TNS3: variants seen among roughly 807,000 people sequenced by gnomAD.
The protein encoded by TNS3 is tensin 3.
A neutral mutation model predicts 140.9 loss-of-function variants in TNS3; 45 were observed. The ratio of observed to expected loss-of-function variants is 0.32; its 90% CI spans 0.25 to 0.41. The LOEUF (loss-of-function observed/expected upper bound fraction) is 0.41. Ranked by LOEUF, TNS3 falls within the 10% of genes least tolerant of loss-of-function variation. TNS3 has a pLI of 1.00. For missense variants in TNS3, 1,716 were observed against 1,906.7 expected (o/e 0.90, Z 1.86); for synonymous variants, 815 against 788.4 (o/e 1.03, Z -0.56).
At chr7:47,389,509 T>C (rs1395401774) in intron 16 of TNS3, among the ~76,000 whole-genome samples, 1 of 152,202 alleles carries the variant, frequency 6.6e-6, no homozygotes, top group East Asian at 1.9e-4. Flanking sequence ...CTTGAGCCAA[T>C]TCCTCTGATT....
At chr7:47,524,170 C>T (rs1012549447) in intron 2 of TNS3, among the ~76,000 whole-genome samples, 4 of 152,180 alleles carry the variant, frequency 2.6e-5, no homozygotes, top group Non-Finnish European at 4.4e-5. Flanking sequence ...CCTGGGGAGG[C>T]GGTGGTCCCG....
intron 1 of TNS3, among the ~76,000 whole-genome samples, chr7:47,529,752 C>T (rs1387734559): frequency 6.6e-6 from 1 of 152,202 alleles, no homozygotes. Context: ...ACTCAGCTAC[C>T]TATTCATGTT....
Position 47,346,201 on chromosome 7 carries a change from C to G in TNS3, c.2437G>C (p.Ala813Pro). 6.2e-7 allele frequency: 1 copy of G among 1,614,186 alleles called. No individual in the cohort carries two copies. The highest frequency in any genetic ancestry group is 1.1e-5 in the South Asian group (1 of 91,082). The change falls in exon 18 of 31, where the codon GCG becomes CCG. Residue 813 changes from alanine (A) to proline (P), a missense_variant. By Grantham distance (27) the Ala-to-Pro change is conservative (BLOSUM62 -1). This residue lies in a region of TNS3 where 1,163 missense variants were observed against 1,182.1 expected (regional missense o/e 0.98). Transcript: ENST00000311160. ...APNLPPFPSP[A>P]DVKETMTPGY... ...GTGGCACATACCTCTTTGACGTCCGCTGGTGAGGGGAATGGCGGCAGGTTT... is the reference window on the plus strand; with the variant it reads ...GTGGCACATACCTCTTTGACGTCCGGTGGTGAGGGGAATGGCGGCAGGTTT...
Position 47,415,103 on chromosome 7 carries a change from T to G in TNS3, c.577A>C (p.Thr193Pro). The change falls in exon 11 of 31, where the codon ACA (threonine) becomes CCA (proline). Residue 193 changes from threonine (T) to proline (P), a missense_variant. By Grantham distance (38) the Thr-to-Pro change is conservative. Around this residue, in one of 3 missense-constraint regions of TNS3, gnomAD observed 337 missense variants for 428.9 expected, o/e 0.79. Coordinates refer to ENST00000311160, the MANE Select transcript of TNS3 (RefSeq NM_022748.12). The part of the protein sequence containing the change: ...VILHGTPNFD[T>P]GGVCRPFLKL... The stretch of plus-strand genomic sequence containing the variant: ...CATAGGGGACACTCACCTCCACCTG[T>G]GTCGAAGTTGGGGGTGCCGTGGAGG... 1 of 1,611,046 alleles carries G rather than the reference T, an allele frequency of 6.2e-7. No homozygotes were observed. The highest frequency in any genetic ancestry group is 8.5e-7 in the Non-Finnish European group (1 of 1,178,484).
In TNS3 at chr7:47,352,962, G is replaced by A. The variant is rs577731331; in HGVS notation, c.2282-6606C>T. 2.0e-5 allele frequency among the ~76,000 whole-genome samples: 3 copies of A among 152,296 alleles called. No homozygotes were observed. In the South Asian group the frequency reaches 6.2e-4, roughly 32 times the overall value. ...GTGGGGCAGAGGTGGGAGAAGCAAA[G>A]CACTTTTGCTTCACACTCTGATGTC... On this transcript the variant is annotated intron_variant, in intron 17 of 30. Coordinates refer to ENST00000311160, the MANE Select transcript of TNS3 (RefSeq NM_022748.12).
At chr7:47,303,751 G>A (rs879565736) in intron 21 of TNS3, among the ~76,000 whole-genome samples, 167 bp from the exon 22 acceptor site, 23 of 152,292 alleles carry the variant, frequency 1.5e-4, no homozygotes, top group Admixed American at 3.9e-4. Flanking sequence ...GGCCCTCTCT[G>A]AGCTCACGCT....
At chr7:47,280,395 G>C in intron 28 of TNS3, 41 bp from the exon 29 acceptor site, 8 of 1,594,832 alleles carry the variant, frequency 5.0e-6, no homozygotes, top group Non-Finnish European at 6.9e-6. Context: ...CCTGTTACTA[G>C]GGCTTTTGGG....
chr7:47,480,426 G>C (rs929316129), intron 4 of TNS3, among the ~76,000 whole-genome samples: 5 of 152,128 alleles, frequency 3.3e-5, no homozygotes, highest in African/African-American at 7.2e-5. Flanking sequence ...AGAGAAGAGG[G>C]TCCTGTATCC....
intron 5 of TNS3, among the ~76,000 whole-genome samples, chr7:47,441,573 A>C (rs1440796418): frequency 1.3e-5 from 2 of 152,234 alleles, no homozygotes; most frequent in African/African-American, 2.4e-5. Context: ...CATGGATTTC[A>C]TTCCAATTCA....
chr7:47,440,268 G>A (rs1251044221), intron 5 of TNS3, among the ~76,000 whole-genome samples: 1 of 152,164 alleles, frequency 6.6e-6, no homozygotes, highest in African/African-American at 2.4e-5. Context: ...CTCACGTGGA[G>A]AGGGGACCAG....
intron 5 of TNS3, among the ~76,000 whole-genome samples, chr7:47,440,566 G>A (rs1042130965): frequency 2.6e-5 from 4 of 152,182 alleles, no homozygotes; most frequent in Admixed American, 6.5e-5. Flanking sequence ...GCAGTGTGGA[G>A]TCAGGCACCC....
chr7:47,507,736 G>A (rs185638594), intron 2 of TNS3, among the ~76,000 whole-genome samples: 1 of 152,288 alleles, frequency 6.6e-6, no homozygotes, highest in Non-Finnish European at 1.5e-5. Flanking sequence ...TTGCAGGACA[G>A]GGAGAGAGAA....
intron 16 of TNS3, among the ~76,000 whole-genome samples, chr7:47,394,813 C>T (rs753536849): frequency 6.6e-6 from 1 of 152,258 alleles, no homozygotes; most frequent in Non-Finnish European, 1.5e-5. Flanking sequence ...GAGTGACATG[C>T]TGCAGGCGCC....
At chr7:47,367,322 C>T (rs548952311) in intron 17 of TNS3, among the ~76,000 whole-genome samples, 4 of 152,336 alleles carry the variant, frequency 2.6e-5, no homozygotes, top group South Asian at 2.1e-4. Flanking sequence ...TTTCCCTGGC[C>T]GACCTGACCA....
At chr7:47,527,122 A>T (rs1799224863) in intron 2 of TNS3, among the ~76,000 whole-genome samples, 1 of 151,912 alleles carries the variant, frequency 6.6e-6, no homozygotes, top group Non-Finnish European at 1.5e-5. Flanking sequence ...CTGTAGTCCC[A>T]GCTGCTGGGG....
chr7:47,370,744 C>T (rs1259138288), intron 16 of TNS3, among the ~76,000 whole-genome samples: 1 of 152,238 alleles, frequency 6.6e-6, no homozygotes, highest in African/African-American at 2.4e-5. Context: ...ATTCCACAGC[C>T]AGGGAGCTGC....
intron 16 of TNS3, among the ~76,000 whole-genome samples, chr7:47,377,189 T>C (rs1791444947): frequency 6.6e-6 from 1 of 152,224 alleles, no homozygotes; most frequent in Admixed American, 6.5e-5. Context: ...GGAGGCTTAT[T>C]GGAATGATGT....
In TNS3 at chr7:47,292,743, A is replaced by T. The variant is rs1785782598; in HGVS notation, c.3850+85T>A. Reference sequence around the variant, plus strand: ...AACTTCCAGTCTTATTATTTTTCTCAGTGGATCTTCATGGATCTCTAAAAC... The same window carrying T: ...AACTTCCAGTCTTATTATTTTTCTCTGTGGATCTTCATGGATCTCTAAAAC... On this transcript the variant is annotated intron_variant, in intron 26 of 30. Coordinates refer to ENST00000311160, the MANE Select transcript of TNS3 (RefSeq NM_022748.12). 3.3e-6 allele frequency: 4 copies of T among 1,225,598 alleles called. No individual in the cohort carries two copies. The Admixed American group carries it at 8.6e-5, about 26-fold the overall frequency. 75.9% of individuals were successfully genotyped at this position (1,225,598 alleles called of 1,614,324 possible).
chr7:47,301,389 G>A (rs1292053749), intron 23 of TNS3, among the ~76,000 whole-genome samples: 1 of 152,046 alleles, frequency 6.6e-6, no homozygotes, highest in Non-Finnish European at 1.5e-5. Flanking sequence ...GCCAAAATGA[G>A]GTATCCAGAG....
Sources: gnomAD v4.1 joint callset for allele counts (sites outside exome capture counted in the v4.1 genomes callset) on GRCh38, gnomAD v4.1.1 for gene constraint, gnomAD v4.1.1 regional missense constraint, MANE v1.5 for transcripts, NCBI Gene and HGNC (gene_info 2026-07-23, HGNC 2026-07-21) for gene names.